Variants in BLTP1 observed in about 807,000 individuals in gnomAD.
The protein encoded by BLTP1 is bridge-like lipid transfer protein family member 1, also known as fragile site-associated protein.
chr4:122,159,843 A>G, the BLTP1 span, among the ~76,000 whole-genome samples: 1 of 152,206 alleles, frequency 6.6e-6, no homozygotes, highest in Non-Finnish European at 1.5e-5. Context: ...AAGATACCAG[A>G]CAATTTCTAT....
the BLTP1 span, chr4:122,263,090 C>G: frequency 7.3e-7 from 1 of 1,375,990 alleles, no homozygotes; most frequent in Non-Finnish European, 9.6e-7. Flanking sequence ...CAACTAATCT[C>G]TCATACCTTA....
At chr4:122,354,886 C>T in the BLTP1 span, among the ~76,000 whole-genome samples, 4 of 151,788 alleles carry the variant, frequency 2.6e-5, no homozygotes, top group African/African-American at 7.3e-5. Context: ...AGGCTGGTCT[C>T]GAACTCCTGA....
chr4:122,336,950 C>T, the BLTP1 span: 1 of 1,612,156 alleles, frequency 6.2e-7, no homozygotes, highest in Non-Finnish European at 8.5e-7. Flanking sequence ...TCAACAACAT[C>T]ACTAGTGTCG....
chr4:122,257,577 G>C, the BLTP1 span: 8 of 1,298,362 alleles, frequency 6.2e-6, no homozygotes, highest in Non-Finnish European at 8.7e-6. Flanking sequence ...ATTACTGTAT[G>C]TTTTTTGCTT....
chr4:122,317,264 G>T, the BLTP1 span, among the ~76,000 whole-genome samples: 3 of 152,040 alleles, frequency 2.0e-5, no homozygotes, highest in East Asian at 5.8e-4. Flanking sequence ...CCCGGGAGGA[G>T]GAGGTTGCAG....
At chr4:122,343,040 T>C in the BLTP1 span, among the ~76,000 whole-genome samples, 10 of 152,228 alleles carry the variant, frequency 6.6e-5, no homozygotes, top group Admixed American at 5.9e-4. Flanking sequence ...GTATATGATA[T>C]GGATTTTTTT....
At chr4:122,331,050 C>CT in the BLTP1 span, 1 of 966,286 alleles carries the variant, frequency 1.0e-6, no homozygotes. Context: ...GAAATATTTT[C>CT]CAACATACAC....
chr4:122,324,476 G>C, the BLTP1 span: 1 of 1,611,060 alleles, frequency 6.2e-7, no homozygotes, highest in Non-Finnish European at 8.5e-7. Flanking sequence ...CCAAGTTACA[G>C]CCGATCAAAA....
the BLTP1 span, chr4:122,251,194 G>T: frequency 1.1e-6 from 1 of 886,264 alleles, no homozygotes; most frequent in Non-Finnish European, 1.4e-6. Flanking sequence ...TATTGACCTT[G>T]CAGCGTTGTG....
the BLTP1 span, among the ~76,000 whole-genome samples, chr4:122,230,599 G>A: frequency 6.6e-6 from 1 of 152,036 alleles, no homozygotes; most frequent in Non-Finnish European, 1.5e-5. Context: ...ATCGTCTACT[G>A]TATAAAACTC....
At chr4:122,261,980 A>G in the BLTP1 span, 1 of 985,358 alleles carries the variant, frequency 1.0e-6, no homozygotes, top group Non-Finnish European at 1.2e-6. Flanking sequence ...TTGCGTCAAC[A>G]TTTCTTGCTA....
the BLTP1 span, chr4:122,231,820 A>G: frequency 6.3e-5 from 61 of 973,788 alleles, 1 homozygote; most frequent in African/African-American, 8.2e-4. Flanking sequence ...AACTTTCCCA[A>G]AAGAACCTGG....
chr4:122,207,357 A>T, the BLTP1 span: 1 of 1,386,148 alleles, frequency 7.2e-7, no homozygotes, highest in Admixed American at 2.3e-5. Flanking sequence ...GTTTTAACAG[A>T]TACTAGAAGT....
chr4:122,223,946 C>T, the BLTP1 span: 11 of 921,028 alleles, frequency 1.2e-5, no homozygotes, highest in African/African-American at 1.8e-5. Context: ...TCTCTGAATA[C>T]GTTAGAAATG....
the BLTP1 span, among the ~76,000 whole-genome samples, chr4:122,202,847 A>G: frequency 6.6e-6 from 1 of 151,568 alleles, no homozygotes; most frequent in South Asian, 2.1e-4. Context: ...TCTTTCTCTA[A>G]CTCTAATTTT....
the BLTP1 span, chr4:122,209,272 T>C: frequency 6.2e-7 from 1 of 1,613,042 alleles, no homozygotes; most frequent in Non-Finnish European, 8.5e-7. Flanking sequence ...ATACTGGTAT[T>C]CCTGCTGAGT....
At chr4:122,167,219 C>T in the BLTP1 span, among the ~76,000 whole-genome samples, 1 of 152,122 alleles carries the variant, frequency 6.6e-6, no homozygotes, top group Admixed American at 6.5e-5. Context: ...ATATTGAAAA[C>T]CATAGCTCCA....
the BLTP1 span, chr4:122,355,654 T>C: frequency 5.4e-6 from 3 of 560,236 alleles, no homozygotes; most frequent in Admixed American, 3.9e-5. Flanking sequence ...TACATAGATA[T>C]ATGTAGTATA....
chr4:122,343,288 A>G, the BLTP1 span: 13 of 1,240,196 alleles, frequency 1.0e-5, no homozygotes, highest in Admixed American at 7.9e-5. Flanking sequence ...TGTTAAATCT[A>G]TTGATCTGAT....
Sources: allele counts gnomAD v4.1 joint callset (sites outside exome capture counted in the v4.1 genomes callset), GRCh38; gene constraint gnomAD v4.1.1; transcripts MANE v1.5; gene names NCBI Gene and HGNC (gene_info 2026-07-23, HGNC 2026-07-21).